TAF1A: variants seen among roughly 807,000 people sequenced by gnomAD.
TAF1A encodes TATA box-binding protein-associated factor RNA polymerase I subunit A.
Under a neutral mutation model 61.6 loss-of-function variants are expected in TAF1A, and 42 were observed. That is an observed-to-expected ratio of 0.68 (90% CI 0.53 to 0.88). The LOEUF (loss-of-function observed/expected upper bound fraction) is 0.88. TAF1A is among the 40% of genes least tolerant of loss of function. TAF1A has a pLI of 0.00. For missense variants in TAF1A, 424 were observed against 518.7 expected (o/e 0.82, Z 1.77); for synonymous variants, 179 against 177.7 (o/e 1.01, Z -0.06).
chr1:222,563,433 T>C, intron 8 of TAF1A, 137 bp from the exon 9 acceptor site: 7 of 988,370 alleles, frequency 7.1e-6, no homozygotes, highest in Non-Finnish European at 1.0e-5. Context: ...ATAAGCCTTC[T>C]GGTTAACAGT....
downstream of TAF1A, among the ~76,000 whole-genome samples, chr1:222,555,215 G>A (rs1378115485): frequency 6.6e-6 from 1 of 152,080 alleles, no homozygotes; most frequent in African/African-American, 2.4e-5. Context: ...AAAACAATAT[G>A]GAGGTTCCCC....
At chr1:222,581,559 C>T (rs991967534) in intron 3 of TAF1A, among the ~76,000 whole-genome samples, 5 of 152,022 alleles carry the variant, frequency 3.3e-5, no homozygotes, top group Non-Finnish European at 7.4e-5. Context: ...AAACAATAAC[C>T]AAGAAATATA....
intron 5 of TAF1A, among the ~76,000 whole-genome samples, chr1:222,575,528 GAGAA>G (rs1429291259): frequency 6.6e-6 from 1 of 152,110 alleles, no homozygotes; most frequent in Non-Finnish European, 1.5e-5. Context: ...CTGCCTCAAA[GAGAA>G]AGAGACAGAT....
rs952619054 is a variant in TAF1A, at chr1:222,564,089, A to G, written c.931T>C (p.Leu311=). 2.6e-6 allele frequency: 4 copies of G among 1,561,976 alleles called. No homozygotes were observed. The highest frequency in any genetic ancestry group is 3.5e-6 in the Non-Finnish European group (4 of 1,136,084). Residue 311 remains leucine, a synonymous_variant, in exon 8 of 11, where the codon TTG becomes CTG. Transcript: ENST00000352967. ...YQIVPSHKLM[L]EFHTLLRKSE... is the part of the protein sequence containing the mutation. ...TTTCTAAGTAATGTATGGAATTCCA[A>G]CATCAATTTATGAGATGGTACAATC...
At chr1:222,568,292 A>T (rs1314753795) in intron 7 of TAF1A, among the ~76,000 whole-genome samples, 1 of 152,176 alleles carries the variant, frequency 6.6e-6, no homozygotes, top group East Asian at 1.9e-4. Context: ...CATCAAAACT[A>T]GAAGTTTCTA....
At chr1:222,583,852 AAGAT>A (rs1660901390) in intron 3 of TAF1A, among the ~76,000 whole-genome samples, 1 of 151,902 alleles carries the variant, frequency 6.6e-6, no homozygotes, top group Non-Finnish European at 1.5e-5. Context: ...AAAAAAAAAA[AAGAT>A]AGAATAACAA....
chr1:222,589,793 T>G lies in TAF1A; in HGVS notation c.-69A>C. On this transcript the variant is annotated 5_prime_UTR_variant, in exon 1 of 11. Coordinates refer to ENST00000352967, the MANE Select transcript of TAF1A (RefSeq NM_005681.4). ...TCCGACTCCGGCCCACGTGAAGAAATTCCCACCGGAAGACGAGTTAGGAGA... is the reference window on the plus strand; with the variant it reads ...TCCGACTCCGGCCCACGTGAAGAAAGTCCCACCGGAAGACGAGTTAGGAGA... 1 of 344,596 alleles carries G rather than the reference T, an allele frequency of 2.9e-6. No individual in the cohort carries two copies. Among genetic ancestry groups the G allele is most frequent in the Non-Finnish European group, 5.2e-6 (1 of 191,894 alleles). The allele number at this position is 344,596 out of a possible 1,614,324, so 21.3% of individuals were successfully genotyped here. A position where few individuals can be genotyped will look rare whatever the true frequency, so the allele number is the denominator to read the frequency against.
At chr1:222,559,423 A>G (rs991955533) in intron 10 of TAF1A, among the ~76,000 whole-genome samples, 2 of 152,238 alleles carry the variant, frequency 1.3e-5, no homozygotes, top group Non-Finnish European at 2.9e-5. Context: ...ACAACACACA[A>G]AGGACTGTCA....
chr1:222,580,293 G>A (rs1038408178), intron 3 of TAF1A, among the ~76,000 whole-genome samples: 3 of 152,112 alleles, frequency 2.0e-5, no homozygotes, highest in African/African-American at 7.2e-5. Flanking sequence ...CACATTTCCT[G>A]AGAGCCCATC....
chr1:222,555,081 C>CA (rs530818636), downstream of TAF1A, among the ~76,000 whole-genome samples: 1 of 152,120 alleles, frequency 6.6e-6, no homozygotes, highest in Non-Finnish European at 1.5e-5. Context: ...AAATGCTAAT[C>CA]AAACCAGGAG....
chr1:222,585,568 T>C (rs1425239340), intron 2 of TAF1A, among the ~76,000 whole-genome samples: 1 of 151,828 alleles, frequency 6.6e-6, no homozygotes. Context: ...CCTTTTGGCC[T>C]CCCAAAGTGC....
intron 4 of TAF1A, among the ~76,000 whole-genome samples, chr1:222,579,498 T>C (rs139901505): frequency 6.6e-6 from 1 of 152,306 alleles, no homozygotes; most frequent in Non-Finnish European, 1.5e-5. Flanking sequence ...ATCATACCAC[T>C]GCAATCTCTG....
At chr1:222,569,402 A>C in intron 7 of TAF1A, 108 bp downstream of exon 7, 1 of 1,600,924 alleles carries the variant, frequency 6.2e-7, no homozygotes, top group East Asian at 2.2e-5. Context: ...TGTACTGTAC[A>C]TTATTGAAAT....
At chr1:222,587,163 C>T (rs1161028824) in intron 2 of TAF1A, among the ~76,000 whole-genome samples, 1 of 152,168 alleles carries the variant, frequency 6.6e-6, no homozygotes, top group Non-Finnish European at 1.5e-5. Context: ...GTGCATTAAT[C>T]TAGCAAAAAT....
chr1:222,584,261 G>A lies in TAF1A; in HGVS notation c.158C>T (p.Thr53Ile). ...GATAAAACTTAAACAAGCACTTGTTGTCTGAGCAAAATCCTTCCTCCTTTT... is the reference window on the plus strand; with the variant it reads ...GATAAAACTTAAACAAGCACTTGTTATCTGAGCAAAATCCTTCCTCCTTTT... ...GGKRRKDFAQ[T>I]TSACLSFIQE... The change falls in exon 3 of 11, where the codon ACA becomes ATA. Residue 53 changes from threonine (T) to isoleucine (I), a missense_variant. Coordinates refer to ENST00000352967, the MANE Select transcript of TAF1A (RefSeq NM_005681.4). 10 of 1,609,568 alleles carry A rather than the reference G, an allele frequency of 6.2e-6. No homozygotes were observed. Among genetic ancestry groups the A allele is most frequent in the Non-Finnish European group, 8.5e-6 (10 of 1,179,028 alleles).
intron 9 of TAF1A, among the ~76,000 whole-genome samples, chr1:222,562,454 G>T (rs776894302): frequency 1.3e-5 from 2 of 152,128 alleles, no homozygotes; most frequent in Non-Finnish European, 2.9e-5. Context: ...TACAGTGAGT[G>T]CGTCAACATA....
At chr1:222,567,328 T>C (rs1167235573) in intron 7 of TAF1A, among the ~76,000 whole-genome samples, 1 of 22,010 alleles carries the variant, frequency 4.5e-5, no homozygotes, top group Non-Finnish European at 1.7e-4. Flanking sequence ...GTTTAATGAA[T>C]AGTTTCTACT....
Position 222,588,443 on chromosome 1 carries a change from CCA to C in TAF1A, c.119_120del (p.Val40GlyfsTer49). 6.2e-7 allele frequency: 1 copy of C among 1,611,682 alleles called. No homozygotes were observed. Among genetic ancestry groups the C allele is most frequent in the Non-Finnish European group, 8.5e-7 (1 of 1,179,196 alleles). The stretch of plus-strand genomic sequence containing the variant: ...GGCTCAATGTTATTATTTTACTTAC[CCA>C]CAGTTTCTACGTATGTTTGAAGCCA... ...FPWLQTYVET[V>X]AIGGKRRKDF... On this transcript the variant is annotated frameshift_variant and splice_region_variant, in exon 2 of 11. Transcript: ENST00000352967. LOFTEE classifies it high-confidence loss of function.
intron 5 of TAF1A, among the ~76,000 whole-genome samples, chr1:222,574,084 GCA>G (rs1660471032): frequency 1.3e-5 from 2 of 152,122 alleles, no homozygotes; most frequent in Admixed American, 1.3e-4. Context: ...GAGGCAGAAA[GCA>G]GATTAGTGGT....
Sources: allele counts gnomAD v4.1 joint callset (sites outside exome capture counted in the v4.1 genomes callset), GRCh38; gene constraint gnomAD v4.1.1; transcripts MANE v1.5; gene names NCBI Gene and HGNC (gene_info 2026-07-23, HGNC 2026-07-21).